The following SPTAN1 variants were observed in gnomAD, a reference collection of about 807,000 sequenced individuals.
SPTAN1 encodes the protein spectrin alpha, non-erythrocytic 1.
SPTAN1 carries 61 observed loss-of-function variants against 331.3 expected under a neutral mutation model. The observed-to-expected ratio is 0.18, with a 90% CI of 0.15 to 0.23. The LOEUF (loss-of-function observed/expected upper bound fraction) is 0.23, where lower values mean the gene tolerates loss of function less well. SPTAN1 is among the 10% of genes least tolerant of loss of function. SPTAN1 has a pLI of 1.00. For synonymous variants in SPTAN1, 1,153 were observed against 1,173.9 expected (o/e 0.98, Z 0.36); for missense variants, 2,043 against 3,147.9 (o/e 0.65, Z 8.40).
chr9:128,627,584 G>C lies in SPTAN1; in HGVS notation c.6689+86G>C, dbSNP rs754705047. On this transcript the variant is annotated intron_variant, in intron 50 of 56. Coordinates refer to ENST00000372739, the MANE Select transcript of SPTAN1 (RefSeq NM_001130438.3). The surrounding 1 kb of genome is among the most constrained non-coding windows in gnomAD (Gnocchi z 4.9). ...AGCTTCCAGCCCCAAGGAGGTGGTGGTGCTTTGTGTAAAACCAGAGGCAGC... is the reference window on the plus strand; with the variant it reads ...AGCTTCCAGCCCCAAGGAGGTGGTGCTGCTTTGTGTAAAACCAGAGGCAGC... 7.8e-7 allele frequency: 1 copy of C among 1,287,434 alleles called. No homozygotes were observed. The allele number at this position is 1,287,434 out of a possible 1,614,324, so 79.8% of individuals were successfully genotyped here.
At position 128,594,903 on chromosome 9, in the gene SPTAN1, A is replaced by G. The variant is rs569077485; in HGVS notation, c.3414+530A>G. On this transcript the variant is annotated intron_variant, in intron 24 of 56. Coordinates refer to ENST00000372739, the MANE Select transcript of SPTAN1 (RefSeq NM_001130438.3). Reference sequence around the variant, plus strand: ...GAGTGCAATGGTGCGATCTCGGCTCACTGCAACTCCTCCTCCCAGGTTCAA... The same window carrying G: ...GAGTGCAATGGTGCGATCTCGGCTCGCTGCAACTCCTCCTCCCAGGTTCAA... 5.7e-4 allele frequency among the ~76,000 whole-genome samples: 78 copies of G among 136,534 alleles called. 2 individuals are homozygous for G. The highest frequency in any genetic ancestry group is 2.1e-3 in the African/African-American group (76 of 35,660). The allele number at this position is 136,534 out of a possible 152,430, so 89.6% of individuals were successfully genotyped here.
chr9:128,632,922 A>G lies in SPTAN1; in HGVS notation c.7275A>G (p.Gly2425=), dbSNP rs1239084886. ...CCTTCCGGGCCCTCAGCTCAGAGGG[A>G]AAGCCTTACGTGACCAAGGAGGAGC... ...ESAFRALSSE[G]KPYVTKEELY... Residue 2425 remains glycine (G), a synonymous_variant, in exon 56 of 57, where the codon GGA becomes GGG. Coordinates refer to ENST00000372739, the MANE Select transcript of SPTAN1 (RefSeq NM_001130438.3). The G allele has an allele frequency of 2.0e-5, 33 of 1,613,290 alleles. No individual in the cohort carries two copies. The highest frequency in any genetic ancestry group is 2.6e-5 in the Non-Finnish European group (31 of 1,180,038).
intron 40 of SPTAN1, 97 bp from the exon 41 acceptor site, chr9:128,615,535 A>G (rs1857060813): frequency 2.4e-6 from 3 of 1,269,292 alleles, no homozygotes; most frequent in East Asian, 2.4e-5. Context: ...GAGAATATCA[A>G]CACTCCACAT....
At chr9:128,630,218 G>C (rs752570908) in intron 51 of SPTAN1, 103 bp from the exon 52 acceptor site, 1 of 1,272,350 alleles carries the variant, frequency 7.9e-7, no homozygotes. Context: ...TCCTTAAAAG[G>C]AATGTGAGGT....
chr9:128,606,400 C>G (rs1326988859), intron 31 of SPTAN1, among the ~76,000 whole-genome samples: 2 of 133,954 alleles, frequency 1.5e-5, no homozygotes, highest in Non-Finnish European at 3.2e-5. Flanking sequence ...AAACAAGTCT[C>G]TACTTTCCTA....
intron 27 of SPTAN1, among the ~76,000 whole-genome samples, chr9:128,602,216 TTTTTG>T (rs1855252603): frequency 1.3e-5 from 2 of 150,870 alleles, no homozygotes; most frequent in African/African-American, 4.9e-5. Context: ...TTTTGGGTTT[TTTTTG>T]TTTTTTTTTT....
rs542966508 is a variant in SPTAN1, at chr9:128,617,551, G to A, written c.5358-89G>A. On this transcript the variant is annotated intron_variant, in intron 41 of 56. Transcript: ENST00000372739. ...GATTTTCCCAGAAAGATTAGTAGATGTCTGTGAGGTCCACAGTTGACCTGA... is the reference window on the plus strand; with the variant it reads ...GATTTTCCCAGAAAGATTAGTAGATATCTGTGAGGTCCACAGTTGACCTGA... 100 of 1,590,180 alleles carry A rather than the reference G, an allele frequency of 6.3e-5. 1 individual carries two copies. The South Asian group carries it at 1.1e-3, about 17-fold the overall frequency.
intron 41 of SPTAN1, 41 bp downstream of exon 41, chr9:128,615,881 A>G: frequency 1.2e-6 from 2 of 1,602,690 alleles, no homozygotes; most frequent in Non-Finnish European, 8.5e-7. Context: ...TTACGCCTGT[A>G]ATAGTGGGCA....
At position 128,577,390 on chromosome 9, in the gene SPTAN1, G is replaced by A; in HGVS notation, c.969G>A (p.Gln323=). The A allele has an allele frequency of 6.2e-7, 1 of 1,614,236 alleles. No individual in the cohort carries two copies. The highest frequency in any genetic ancestry group is 8.5e-7 in the Non-Finnish European group (1 of 1,180,044). The change falls in exon 8 of 57, where the codon CAG becomes CAA. Residue 323 remains glutamine, a synonymous_variant. Transcript: ENST00000372739. This position sits in a 1 kb window ranked among gnomAD's most constrained non-coding sequence, Gnocchi z 4.2. ...GTGCTGAGGCTGACCGCCTGCAACA[G>A]TCCCACCCTCTGAGTGCAACACAGA... is the stretch of plus-strand genomic sequence containing the variant. The part of the protein sequence containing the change: ...ALCAEADRLQ[Q]SHPLSATQIQ...
chr9:128,573,761 A>G (rs983925144), intron 3 of SPTAN1, among the ~76,000 whole-genome samples: 1 of 144,788 alleles, frequency 6.9e-6, no homozygotes, highest in Admixed American at 7.0e-5. Context: ...GCCCTTTTCT[A>G]CTTTTTTTTT....
chr9:128,606,778 G>T (rs1589305211), intron 31 of SPTAN1, among the ~76,000 whole-genome samples: 1 of 152,026 alleles, frequency 6.6e-6, no homozygotes, highest in African/African-American at 2.4e-5. Context: ...GAGCCACTGC[G>T]CCTGGTTGTC....
chr9:128,598,173 C>T (rs935175894), intron 24 of SPTAN1, among the ~76,000 whole-genome samples: 2 of 151,936 alleles, frequency 1.3e-5, no homozygotes, highest in Admixed American at 6.6e-5. Context: ...GTCTCGAACT[C>T]CCGACCTCAG....
chr9:128,581,050 C>T lies in SPTAN1; in HGVS notation c.1452C>T (p.Ser484=). ...CTGAGCAGGTGGACAACTGGATGAG[C>T]AAGCAGGAGGTAATCTGTGAGCAAA... ...RDTEQVDNWM[S]KQEAFLLNED... is the part of the protein sequence containing the mutation. The change falls in exon 11 of 57, where the codon AGC becomes AGT. Residue 484 remains serine, a synonymous_variant. Coordinates refer to ENST00000372739, the MANE Select transcript of SPTAN1 (RefSeq NM_001130438.3). 6.2e-7 allele frequency: 1 copy of T among 1,614,030 alleles called. No individual in the cohort carries two copies. The highest frequency in any genetic ancestry group is 8.5e-7 in the Non-Finnish European group (1 of 1,180,030).
At chr9:128,631,180 G>T (rs1859660412) in intron 52 of SPTAN1, among the ~76,000 whole-genome samples, 1 of 152,134 alleles carries the variant, frequency 6.6e-6, no homozygotes, top group South Asian at 2.1e-4. Flanking sequence ...CTTTGGGGCT[G>T]GGTGTGGTGA....
At chr9:128,608,416 CTT>C in intron 34 of SPTAN1, 140 bp downstream of exon 34, 1 of 1,099,208 alleles carries the variant, frequency 9.1e-7, no homozygotes, top group Non-Finnish European at 1.3e-6. Flanking sequence ...ATCTTTAAAA[CTT>C]TATAGATTCT....
At chr9:128,617,112 A>G (rs964510511) in intron 41 of SPTAN1, among the ~76,000 whole-genome samples, 2 of 145,946 alleles carry the variant, frequency 1.4e-5, no homozygotes, top group African/African-American at 5.1e-5. Context: ...AGTGGCGCAC[A>G]CCTGTGGTCC....
At chr9:128,591,057 C>T (rs1475959853) in intron 21 of SPTAN1, among the ~76,000 whole-genome samples, 1 of 42,290 alleles carries the variant, frequency 2.4e-5, no homozygotes, top group African/African-American at 7.0e-5. Flanking sequence ...ATTTTAATAT[C>T]ATTTTGGACC....
chr9:128,562,014 A>T (rs1243682402), intron 1 of SPTAN1, among the ~76,000 whole-genome samples: 1 of 152,194 alleles, frequency 6.6e-6, no homozygotes, highest in African/African-American at 2.4e-5. Flanking sequence ...GCAGTGTTAT[A>T]AGATGAATGA....
intron 27 of SPTAN1, among the ~76,000 whole-genome samples, chr9:128,601,895 T>TAC (rs1320094744): frequency 6.6e-6 from 1 of 152,192 alleles, no homozygotes; most frequent in Non-Finnish European, 1.5e-5. Context: ...GGCATGGGTA[T>TAC]ACACCTTTCC....
Sources: gnomAD v4.1 joint callset for allele counts (sites outside exome capture counted in the v4.1 genomes callset) on GRCh38, gnomAD v4.1.1 for gene constraint, Gnocchi (gnomAD v3.1) non-coding constraint, MANE v1.5 for transcripts, NCBI Gene and HGNC (gene_info 2026-07-23, HGNC 2026-07-21) for gene names.